The following DDX46 variants were observed in gnomAD, a reference collection of about 807,000 sequenced individuals.
DDX46 encodes the protein DEAD-box helicase 46, also known as probable ATP-dependent RNA helicase DDX46.
A neutral mutation model predicts 134.9 loss-of-function variants in DDX46; 30 were observed. The ratio of observed to expected loss-of-function variants is 0.22; its 90% CI spans 0.17 to 0.30. DDX46 has a LOEUF of 0.30. Ranked by LOEUF, DDX46 falls within the 10% of genes least tolerant of loss-of-function variation. The pLI is 1.00. For synonymous variants in DDX46, 415 were observed against 404.1 expected (o/e 1.03, Z -0.32); for missense variants, 622 against 1,248.7 (o/e 0.50, Z 7.56).
At chr5:134,803,293 C>T (rs376576169) in intron 15 of DDX46, among the ~76,000 whole-genome samples, 15 of 152,208 alleles carry the variant, frequency 9.9e-5, no homozygotes, top group African/African-American at 3.4e-4. Flanking sequence ...CGAGCCTAGC[C>T]CTGAAATCTC....
intron 10 of DDX46, among the ~76,000 whole-genome samples, chr5:134,785,241 C>T (rs1376517982): frequency 2.0e-5 from 3 of 152,138 alleles, no homozygotes; most frequent in Non-Finnish European, 4.4e-5. Context: ...AGGCATTTAA[C>T]TGTCATTTAT....
chr5:134,773,365 A>C (rs2150135125), intron 4 of DDX46, among the ~76,000 whole-genome samples: 1 of 152,348 alleles, frequency 6.6e-6, no homozygotes, highest in Middle Eastern at 3.4e-3. Context: ...TTGCTTGCTA[A>C]TTACTTTAGT....
At chr5:134,775,098 G>A (rs1330863474) in intron 5 of DDX46, among the ~76,000 whole-genome samples, 1 of 152,050 alleles carries the variant, frequency 6.6e-6, no homozygotes, top group African/African-American at 2.4e-5. Flanking sequence ...GGGATTACAG[G>A]CGTGAGCCAC....
chr5:134,773,263 G>A (rs533048834), intron 4 of DDX46, among the ~76,000 whole-genome samples: 5 of 152,224 alleles, frequency 3.3e-5, no homozygotes, highest in African/African-American at 9.6e-5. Flanking sequence ...TGTTGATGTC[G>A]TTTATTTTCT....
At position 134,811,343 on chromosome 5, in the gene DDX46, A is replaced by C; in HGVS notation, c.2271A>C (p.Lys757Asn). The C allele has an allele frequency of 6.2e-7, 1 of 1,614,056 alleles. No individual in the cohort carries two copies. Among genetic ancestry groups the C allele is most frequent in the East Asian group, 2.2e-5 (1 of 44,848 alleles). Residue 757 changes from lysine (K) to asparagine (N), a missense_variant, in exon 17 of 23, where the codon AAA becomes AAC. Coordinates refer to ENST00000452510, the MANE Select transcript of DDX46 (RefSeq NM_001300860.2). ...TAGAGAAACTGTGGAGTGATTTCAA[A>C]GATCAGCAGAAAGCTGTGAGTTTTT... is the stretch of plus-strand genomic sequence containing the variant. ...PDLEKLWSDF[K>N]DQQKAEGKII...
rs1247186944 is a variant in DDX46, at chr5:134,830,620, T to C, written c.*1914T>C. The C allele has an allele frequency of 6.6e-6, 1 of 152,492 alleles. No homozygotes were observed. The highest frequency in any genetic ancestry group is 1.5e-5 in the Non-Finnish European group (1 of 68,038). 9.4% of individuals were successfully genotyped at this position (152,492 alleles called of 1,614,324 possible). A position where few individuals can be genotyped will look rare whatever the true frequency, so the allele number is the denominator to read the frequency against. ...TATTTCTTCAGTATAAAGTTATTCT[T>C]CCTGAAAAAGTAAGATATACCTGGG... On this transcript the variant is annotated 3_prime_UTR_variant, in exon 23 of 23. Transcript: ENST00000452510.
At chr5:134,809,757 C>G (rs1332228589) in intron 16 of DDX46, among the ~76,000 whole-genome samples, 1 of 151,910 alleles carries the variant, frequency 6.6e-6, no homozygotes, top group Non-Finnish European at 1.5e-5. Context: ...GCCTGTAATC[C>G]CAGCACTTTG....
intron 21 of DDX46, among the ~76,000 whole-genome samples, chr5:134,822,582 T>A (rs940889588): frequency 6.6e-6 from 1 of 152,058 alleles, no homozygotes; most frequent in African/African-American, 2.4e-5. Context: ...TCTCTTGTAC[T>A]CCCACATCGG....
intron 8 of DDX46, among the ~76,000 whole-genome samples, chr5:134,782,744 T>G (rs982748766): frequency 6.6e-6 from 1 of 152,096 alleles, no homozygotes; most frequent in Non-Finnish European, 1.5e-5. Flanking sequence ...TTTCACCATG[T>G]TGCCCAGGTT....
chr5:134,800,861 A>C (rs1236356855), intron 15 of DDX46, among the ~76,000 whole-genome samples: 2 of 152,154 alleles, frequency 1.3e-5, no homozygotes, highest in Non-Finnish European at 2.9e-5. Flanking sequence ...TTTTTAGTAG[A>C]GATGGGTTGT....
At chr5:134,797,191 A>AAAAAAAAAAAC in intron 15 of DDX46, 1 of 290,384 alleles carries the variant, frequency 3.4e-6, no homozygotes, top group Non-Finnish European at 6.5e-6. Flanking sequence ...AAAAAAAAAA[A>AAAAAAAAAAAC]AAAAAACACA....
intron 15 of DDX46, among the ~76,000 whole-genome samples, chr5:134,796,853 T>TA (rs140818499): frequency 0.27 from 21,989 of 81,174 alleles, 2,081 homozygotes; most frequent in East Asian, 0.45. Context: ...ACTCTCTCCA[T>TA]AAAAAAAAAA....
At chr5:134,780,564 CAATA>C (rs10655595) in intron 6 of DDX46, among the ~76,000 whole-genome samples, 4,410 of 142,284 alleles carry the variant, frequency 0.031, 144 homozygotes, top group Admixed American at 0.068. Flanking sequence ...AACTTTATCT[CAATA>C]AATAAATAAA....
intron 15 of DDX46, among the ~76,000 whole-genome samples, chr5:134,805,455 C>T (rs977723399): frequency 1.3e-5 from 2 of 151,720 alleles, no homozygotes; most frequent in Admixed American, 6.6e-5. Context: ...CATGAGCCAC[C>T]GCTTCTGGCT....
Position 134,829,295 on chromosome 5 carries a change from TATA to T in DDX46, c.*591_*593del, listed in dbSNP as rs1755673438. On this transcript the variant is annotated 3_prime_UTR_variant, in exon 23 of 23. Coordinates refer to ENST00000452510, the MANE Select transcript of DDX46 (RefSeq NM_001300860.2). The stretch of plus-strand genomic sequence containing the variant: ...TTTTATACAAGTAAAGATTTAATAG[TATA>T]AGGATTTTTTTGCATTTCTTTACAC... 1 of 152,216 alleles carries T rather than the reference TATA, an allele frequency of 6.6e-6. No homozygotes were observed. The highest frequency in any genetic ancestry group is 1.5e-5 in the Non-Finnish European group (1 of 68,036). The allele number at this position is 152,216 out of a possible 1,614,324, so 9.4% of individuals were successfully genotyped here.
At chr5:134,801,117 C>T (rs955719902) in intron 15 of DDX46, among the ~76,000 whole-genome samples, 9 of 152,028 alleles carry the variant, frequency 5.9e-5, no homozygotes, top group African/African-American at 2.2e-4. Context: ...GACCCCATCT[C>T]TATGAAAAAA....
chr5:134,789,697 T>C (rs1284988858), intron 12 of DDX46, among the ~76,000 whole-genome samples: 1 of 152,200 alleles, frequency 6.6e-6, no homozygotes, highest in African/African-American at 2.4e-5. Flanking sequence ...AAATAACTAT[T>C]TTATACGTGT....
In DDX46 at chr5:134,821,949, A is replaced by G. The variant is rs1421000809; in HGVS notation, c.2977+2945A>G. Among the ~76,000 whole-genome samples, 7 of 149,326 alleles carry G rather than the reference A, an allele frequency of 4.7e-5. No homozygotes were observed. The East Asian group carries it at 5.9e-4, about 13-fold the overall frequency. ...ACTCTGTTGCCCAGGCTGGAGTGCA[A>G]TGGTGCTGTCTCGTCTCACTGCAAC... On this transcript the variant is annotated intron_variant, in intron 21 of 22. Transcript: ENST00000452510.
chr5:134,828,460 A>G (rs1580826651), intron 22 of DDX46, among the ~76,000 whole-genome samples, 199 bp from the exon 23 acceptor site: 1 of 152,194 alleles, frequency 6.6e-6, no homozygotes, highest in Admixed American at 6.5e-5. Context: ...TTCATTAGTT[A>G]TTGAATAGTT....
Sources: gnomAD v4.1 joint callset for allele counts (sites outside exome capture counted in the v4.1 genomes callset) on GRCh38, gnomAD v4.1.1 for gene constraint, MANE v1.5 for transcripts, NCBI Gene and HGNC (gene_info 2026-07-23, HGNC 2026-07-21) for gene names.